CCBE1: variants seen among roughly 807,000 people sequenced by gnomAD.
CCBE1 encodes collagen and calcium-binding EGF domain-containing protein 1.
A neutral mutation model predicts 50.0 loss-of-function variants in CCBE1; 37 were observed. The ratio of observed to expected loss-of-function variants is 0.74; its 90% CI spans 0.57 to 0.97. The LOEUF is 0.97. CCBE1 is among the 50% of genes least tolerant of loss of function. The pLI is 0.00. For synonymous variants in CCBE1, 234 were observed against 203.7 expected, an observed-to-expected ratio of 1.15 and a Z score of -1.27; for missense variants, 538 against 523.8, an observed-to-expected ratio of 1.03 and a Z score of -0.26.
intron 2 of CCBE1, among the ~76,000 whole-genome samples, chr18:59,482,960 G>A (rs372980846): frequency 4.0e-5 from 6 of 151,866 alleles, no homozygotes; most frequent in South Asian, 2.1e-4. Flanking sequence ...CATCATTCTC[G>A]CTCATTTGTG....
At chr18:59,681,080 G>T (rs1196008837) in intron 2 of CCBE1, among the ~76,000 whole-genome samples, 1 of 151,814 alleles carries the variant, frequency 6.6e-6, no homozygotes, top group Non-Finnish European at 1.5e-5. Context: ...AAGCTGTTTG[G>T]TATCTTTTTA....
intron 2 of CCBE1, among the ~76,000 whole-genome samples, chr18:59,644,517 T>A (rs549079676): frequency 2.0e-4 from 31 of 152,326 alleles, no homozygotes; most frequent in African/African-American, 7.2e-4. Flanking sequence ...AAAATGACAA[T>A]TTTTTCCAGT....
chr18:59,481,505 T>C (rs926972124), intron 2 of CCBE1, among the ~76,000 whole-genome samples: 1 of 152,112 alleles, frequency 6.6e-6, no homozygotes, highest in Non-Finnish European at 1.5e-5. Context: ...ACTACACACA[T>C]ACACAAAATG....
intron 2 of CCBE1, among the ~76,000 whole-genome samples, chr18:59,673,051 A>G (rs2054456220): frequency 6.6e-6 from 1 of 152,240 alleles, no homozygotes; most frequent in Non-Finnish European, 1.5e-5. Flanking sequence ...GTCAGCTGGA[A>G]ACATGACTCC....
intron 3 of CCBE1, among the ~76,000 whole-genome samples, chr18:59,472,067 T>C (rs1402594935): frequency 6.6e-6 from 1 of 152,232 alleles, no homozygotes; most frequent in Non-Finnish European, 1.5e-5. Context: ...TCAGCCTCAC[T>C]ATATCCCATT....
chr18:59,572,643 C>A (rs1308788614), intron 2 of CCBE1, among the ~76,000 whole-genome samples: 1 of 152,140 alleles, frequency 6.6e-6, no homozygotes, highest in Non-Finnish European at 1.5e-5. Flanking sequence ...GGTTGGTTAG[C>A]CTTATTCCCT....
At chr18:59,548,745 A>AATAGGTGTTCC (rs1404345155) in intron 2 of CCBE1, among the ~76,000 whole-genome samples, 1 of 151,154 alleles carries the variant, frequency 6.6e-6, no homozygotes, top group Non-Finnish European at 1.5e-5. Flanking sequence ...TGAGGTGTTC[A>AATAGGTGTTCC]AATAGCCTAC....
At chr18:59,598,063 T>G (rs555424756) in intron 2 of CCBE1, among the ~76,000 whole-genome samples, 2 of 150,748 alleles carry the variant, frequency 1.3e-5, no homozygotes, top group South Asian at 4.2e-4. Flanking sequence ...GGAACATTGG[T>G]GGACACAGGT....
intron 6 of CCBE1, among the ~76,000 whole-genome samples, chr18:59,452,340 C>A (rs1568146369): frequency 1.3e-5 from 2 of 152,160 alleles, no homozygotes; most frequent in Admixed American, 6.5e-5. Flanking sequence ...TGCCTGTAAT[C>A]CCAGGCCTTT....
chr18:59,501,285 C>T (rs644904), intron 2 of CCBE1, among the ~76,000 whole-genome samples: 61,865 of 152,088 alleles, frequency 0.41, 13,313 homozygotes, highest in East Asian at 0.64. Context: ...ATAGGGACAG[C>T]ACATCTCCTT....
chr18:59,444,074 C>G (rs896862289), intron 7 of CCBE1, among the ~76,000 whole-genome samples: 1 of 152,010 alleles, frequency 6.6e-6, no homozygotes, highest in African/African-American at 2.4e-5. Context: ...AAATTTCCAT[C>G]TTTTTAAAGG....
At chr18:59,632,017 A>T (rs1015340277) in intron 2 of CCBE1, among the ~76,000 whole-genome samples, 4 of 152,240 alleles carry the variant, frequency 2.6e-5, no homozygotes, top group Admixed American at 2.6e-4. Flanking sequence ...GAATTAAAAT[A>T]TTGCTGAGAA....
chr18:59,608,610 G>C (rs2053531449), intron 2 of CCBE1, among the ~76,000 whole-genome samples: 1 of 152,202 alleles, frequency 6.6e-6, no homozygotes, highest in African/African-American at 2.4e-5. Flanking sequence ...CTACTCAAGA[G>C]AGGTAAGAAT....
At chr18:59,502,104 G>A (rs1568174156) in intron 2 of CCBE1, among the ~76,000 whole-genome samples, 2 of 152,166 alleles carry the variant, frequency 1.3e-5, no homozygotes, top group Non-Finnish European at 2.9e-5. Flanking sequence ...CCTGGCCTAC[G>A]AGTCAGCATT....
At chr18:59,593,479 G>A (rs2053304317) in intron 2 of CCBE1, among the ~76,000 whole-genome samples, 1 of 152,224 alleles carries the variant, frequency 6.6e-6, no homozygotes. Flanking sequence ...TCCAAAGCCT[G>A]TCTTCTCTAT....
chr18:59,436,091 G>A lies in CCBE1; in HGVS notation c.1038C>T (p.Arg346=). The A allele has an allele frequency of 6.2e-7, 1 of 1,614,212 alleles. No individual in the cohort carries two copies. The highest frequency in any genetic ancestry group is 8.5e-7 in the Non-Finnish European group (1 of 1,180,044). ...DFLLLMLADI[R]NDITELQEKV... is the part of the protein sequence containing the mutation. ...TTTCCTGCAGCTCAGTGATGTCATT[G>A]CGGATGTCAGCCAGCATAAGTAGCA... Residue 346 remains arginine, a synonymous_variant, in exon 11 of 11, where the codon CGC becomes CGT. Coordinates refer to ENST00000439986, the MANE Select transcript of CCBE1 (RefSeq NM_133459.4).
At chr18:59,642,329 T>C (rs1461180356) in intron 2 of CCBE1, among the ~76,000 whole-genome samples, 1 of 152,184 alleles carries the variant, frequency 6.6e-6, no homozygotes, top group East Asian at 1.9e-4. Context: ...ATGATCACAG[T>C]GCCAACTGTC....
intron 2 of CCBE1, among the ~76,000 whole-genome samples, chr18:59,605,259 A>G (rs2053482755): frequency 6.6e-6 from 1 of 152,238 alleles, no homozygotes; most frequent in South Asian, 2.1e-4. Context: ...GTTTTAGGGA[A>G]CAGCTAAAGT....
At chr18:59,570,903 G>A (rs1483956597) in intron 2 of CCBE1, among the ~76,000 whole-genome samples, 2 of 152,126 alleles carry the variant, frequency 1.3e-5, no homozygotes, top group East Asian at 3.9e-4. Flanking sequence ...CATTTATATG[G>A]TCCCCTAGCA....
Sources: gnomAD v4.1 joint callset for allele counts (sites outside exome capture counted in the v4.1 genomes callset) on GRCh38, gnomAD v4.1.1 for gene constraint, MANE v1.5 for transcripts, NCBI Gene and HGNC (gene_info 2026-07-23, HGNC 2026-07-21) for gene names.